Variants in ARHGAP10 observed in about 807,000 individuals in gnomAD.
ARHGAP10 encodes Rho GTPase activating protein 10, also known as rho GTPase-activating protein 10.
ARHGAP10 carries 87 observed loss-of-function variants against 108.6 expected under a neutral mutation model. The observed-to-expected ratio is 0.80, with a 90% CI of 0.67 to 0.96. ARHGAP10 has a LOEUF of 0.96. ARHGAP10 is among the 40% of genes least tolerant of loss of function. The probability of loss-of-function intolerance (pLI) is 0.00; values close to 1 mark genes in which losing one functional copy is unlikely to be tolerated. For missense variants in ARHGAP10, 939 were observed against 954.5 expected (o/e 0.98, Z 0.21); for synonymous variants, 347 against 341.1 (o/e 1.02, Z -0.19).
chr4:147,952,718 C>T (rs947926922), intron 15 of ARHGAP10, among the ~76,000 whole-genome samples: 14 of 151,966 alleles, frequency 9.2e-5, no homozygotes, highest in African/African-American at 3.4e-4. Context: ...TCTTTTTGTT[C>T]TCTCAATAGT....
intron 15 of ARHGAP10, 67 bp from the exon 16 acceptor site, chr4:147,955,249 C>A: frequency 7.0e-7 from 1 of 1,436,686 alleles, no homozygotes. Flanking sequence ...AACATCCTTT[C>A]ATAAAAAAAC....
At chr4:147,813,690 A>G (rs555899901) in intron 1 of ARHGAP10, among the ~76,000 whole-genome samples, 2 of 152,366 alleles carry the variant, frequency 1.3e-5, no homozygotes, top group East Asian at 3.9e-4. Context: ...GCAGAGGCCC[A>G]GGGAGAAGAT....
At chr4:147,777,215 T>TA (rs2126725489) in intron 1 of ARHGAP10, among the ~76,000 whole-genome samples, 1 of 152,222 alleles carries the variant, frequency 6.6e-6, no homozygotes, top group East Asian at 1.9e-4. Context: ...CTAATTGAAC[T>TA]AGAGTCTGTG....
chr4:147,864,941 T>C lies in ARHGAP10; in HGVS notation c.582T>C (p.Phe194=). The change falls in exon 6 of 23, where the codon TTT becomes TTC. Residue 194 remains phenylalanine, a synonymous_variant. Coordinates refer to ENST00000336498, the MANE Select transcript of ARHGAP10 (RefSeq NM_024605.4). ...AGGAAATCCAAGAAAGAAAGAAGTT[T>C]GAGTTTGTGGAACCTGTGAGTATTG... ...KLQEIQERKK[F]EFVEPMLSFF... The C allele has an allele frequency of 6.2e-7, 1 of 1,613,876 alleles. No homozygotes were observed. Among genetic ancestry groups the C allele is most frequent in the Non-Finnish European group, 8.5e-7 (1 of 1,179,798 alleles).
chr4:147,900,739 G>A (rs920486043), intron 10 of ARHGAP10, among the ~76,000 whole-genome samples: 2 of 152,076 alleles, frequency 1.3e-5, no homozygotes, highest in Non-Finnish European at 2.9e-5. Flanking sequence ...ACTAGTGTTA[G>A]CTTCTCCATG....
At chr4:147,759,640 G>C (rs1468370426) in intron 1 of ARHGAP10, among the ~76,000 whole-genome samples, 4 of 150,804 alleles carry the variant, frequency 2.7e-5, no homozygotes, top group Admixed American at 2.7e-4. Flanking sequence ...TACTTAATCT[G>C]GCGTATCCAA....
At chr4:147,998,112 CACAT>C (rs1311579309) in intron 18 of ARHGAP10, among the ~76,000 whole-genome samples, 2 of 151,820 alleles carry the variant, frequency 1.3e-5, no homozygotes, top group Admixed American at 6.6e-5. Flanking sequence ...AAGATAATAA[CACAT>C]ACAAAAGCAG....
intron 1 of ARHGAP10, among the ~76,000 whole-genome samples, chr4:147,755,294 G>A (rs927070471): frequency 2.0e-5 from 3 of 151,974 alleles, no homozygotes; most frequent in Non-Finnish European, 4.4e-5. Flanking sequence ...AGTCTTTTGT[G>A]ATCAACTCAG....
chr4:147,891,473 C>G (rs1735792626), intron 10 of ARHGAP10, among the ~76,000 whole-genome samples: 1 of 152,122 alleles, frequency 6.6e-6, no homozygotes, highest in Admixed American at 6.5e-5. Context: ...GGAGTGATGG[C>G]TAATGGGTAC....
chr4:147,890,649 A>C (rs1735763442), intron 10 of ARHGAP10, among the ~76,000 whole-genome samples: 1 of 152,202 alleles, frequency 6.6e-6, no homozygotes, highest in African/African-American at 2.4e-5. Context: ...CAACCTGGTG[A>C]AACCCCATCT....
chr4:148,036,028 T>A (rs573359691), intron 19 of ARHGAP10, among the ~76,000 whole-genome samples: 3 of 152,166 alleles, frequency 2.0e-5, no homozygotes, highest in African/African-American at 7.2e-5. Context: ...CCGTAACCTA[T>A]CTTTACTATT....
rs1168025750 is a variant in ARHGAP10 at position 148,049,832 on chromosome 4, TGGGGGGGC to T, written c.2027+2788_2027+2795del. Among the ~76,000 whole-genome samples, 4 of 17,052 alleles carry T rather than the reference TGGGGGGGC, an allele frequency of 2.3e-4. 1 individual carries two copies. In the Admixed American group the frequency reaches 2.5e-3, roughly 11 times the overall value. The allele number at this position is 17,052 out of a possible 152,430, so 11.2% of individuals were successfully genotyped here. On this transcript the variant is annotated intron_variant, in intron 20 of 22. Coordinates refer to ENST00000336498, the MANE Select transcript of ARHGAP10 (RefSeq NM_024605.4). ...TGTTTGTTTGTTTGTTTTTTTTGGG[TGGGGGGGC>T]GGGGGGCGGGGGGCGGGGGGTGGTG...
intron 1 of ARHGAP10, among the ~76,000 whole-genome samples, chr4:147,778,480 G>C (rs1445179302): frequency 1.3e-5 from 2 of 152,182 alleles, no homozygotes; most frequent in African/African-American, 4.8e-5. Flanking sequence ...GTGGGCAAAA[G>C]TTATGCTAAC....
intron 1 of ARHGAP10, among the ~76,000 whole-genome samples, chr4:147,775,553 A>T (rs1423768549): frequency 3.3e-5 from 5 of 152,120 alleles, no homozygotes; most frequent in Non-Finnish European, 7.3e-5. Context: ...CTGGTAGGAG[A>T]AAGGTGATTA....
chr4:147,877,469 T>C (rs1466029496), intron 8 of ARHGAP10, among the ~76,000 whole-genome samples: 1 of 152,210 alleles, frequency 6.6e-6, no homozygotes, highest in East Asian at 1.9e-4. Flanking sequence ...TTTACATGAG[T>C]TATTTTTCCC....
intron 7 of ARHGAP10, among the ~76,000 whole-genome samples, chr4:147,873,344 G>C (rs1414238914): frequency 6.6e-6 from 1 of 152,006 alleles, no homozygotes; most frequent in South Asian, 2.1e-4. Context: ...AGCATTATTG[G>C]CTTAAATAGA....
chr4:147,965,166 T>C (rs1739158923), intron 17 of ARHGAP10, 37 bp downstream of exon 17: 1 of 1,525,414 alleles, frequency 6.6e-7, no homozygotes, highest in African/African-American at 1.4e-5. Context: ...TTTCTTCACT[T>C]TGCTCTAGGT....
intron 10 of ARHGAP10, among the ~76,000 whole-genome samples, chr4:147,898,419 C>G (rs750295299): frequency 6.6e-6 from 1 of 151,688 alleles, no homozygotes; most frequent in African/African-American, 2.4e-5. Flanking sequence ...GTCTTTCTCT[C>G]TTGCTGCTTT....
intron 10 of ARHGAP10, among the ~76,000 whole-genome samples, chr4:147,883,175 A>G (rs1393428941): frequency 6.6e-6 from 1 of 152,208 alleles, no homozygotes; most frequent in African/African-American, 2.4e-5. Flanking sequence ...CACTACTGTG[A>G]AAAGGACAAG....
Sources: allele counts gnomAD v4.1 joint callset (sites outside exome capture counted in the v4.1 genomes callset), GRCh38; gene constraint gnomAD v4.1.1; transcripts MANE v1.5; gene names NCBI Gene and HGNC (gene_info 2026-07-23, HGNC 2026-07-21).